Variants in PCDHGA3 observed in about 807,000 individuals in gnomAD.
The protein encoded by PCDHGA3 is protocadherin gamma subfamily A, 3, also known as protocadherin gamma-A3.
A neutral mutation model predicts 58.5 loss-of-function variants in PCDHGA3; 40 were observed. The observed-to-expected ratio is 0.68, with a 90% CI of 0.53 to 0.89. PCDHGA3 has a LOEUF of 0.89. Among genes scored for constraint, PCDHGA3 ranks in the 40% least tolerant of loss-of-function variants. The probability of loss-of-function intolerance (pLI) is 0.00; values close to 1 mark genes in which losing one functional copy is unlikely to be tolerated. For missense variants in PCDHGA3, 1,223 were observed against 1,195.9 expected (o/e 1.02, Z -0.33); for synonymous variants, 530 against 525.7 (o/e 1.01, Z -0.11).
At chr5:141,404,560 C>G in intron 1 of PCDHGA3, 1 of 1,613,578 alleles carries the variant, frequency 6.2e-7, no homozygotes, top group South Asian at 1.1e-5. Context: ...CGGCAAGTGA[C>G]AGTGGAAGCC....
Position 141,345,503 on chromosome 5 carries a change from A to G in PCDHGA3, c.1470A>G (p.Ala490=), listed in dbSNP as rs768035352. ...DSNNNARITY[A]LTEDTLQGAP... ...ACAACAACGCCCGCATCACTTATGC[A>G]TTGACCGAGGACACTCTCCAGGGGG... The change falls in exon 1 of 4, where the codon GCA becomes GCG. Residue 490 remains alanine (A), a synonymous_variant. Coordinates refer to ENST00000253812, the MANE Select transcript of PCDHGA3 (RefSeq NM_018916.4). 2 of 1,614,120 alleles carry G rather than the reference A, an allele frequency of 1.2e-6. No homozygotes were observed. The highest frequency in any genetic ancestry group is 2.2e-5 in the East Asian group (1 of 44,874).
intron 1 of PCDHGA3, chr5:141,366,110 G>A (rs780243212): frequency 1.9e-6 from 3 of 1,614,230 alleles, no homozygotes; most frequent in South Asian, 1.1e-5. Flanking sequence ...GGTGGTAGCG[G>A]TGGACAAAGA....
At chr5:141,374,571 G>A in intron 1 of PCDHGA3, 1 of 1,613,670 alleles carries the variant, frequency 6.2e-7, no homozygotes, top group Non-Finnish European at 8.5e-7. Flanking sequence ...CCTGATGTGG[G>A]AATGAACTCC....
chr5:141,350,116 G>A (rs1300662823), intron 1 of PCDHGA3: 5 of 573,926 alleles, frequency 8.7e-6, no homozygotes, highest in Non-Finnish European at 1.4e-5. Context: ...TGCTTTGTCC[G>A]GTGCACTGAG....
At chr5:141,371,509 A>G (rs768507307) in intron 1 of PCDHGA3, 3 of 1,613,878 alleles carry the variant, frequency 1.9e-6, no homozygotes, top group South Asian at 2.2e-5. Context: ...ATCAAAACAC[A>G]TGATCTAGAT....
intron 1 of PCDHGA3, among the ~76,000 whole-genome samples, chr5:141,435,150 C>G (rs1256233613): frequency 6.6e-6 from 1 of 152,006 alleles, no homozygotes; most frequent in Non-Finnish European, 1.5e-5. Context: ...TTGTGATAAA[C>G]TTTTGTAAAT....
At chr5:141,355,329 A>G in intron 1 of PCDHGA3, 1 of 1,614,020 alleles carries the variant, frequency 6.2e-7, no homozygotes, top group Non-Finnish European at 8.5e-7. Flanking sequence ...AAGAAGGCTC[A>G]GTGGTGGGCA....
intron 1 of PCDHGA3, chr5:141,388,667 G>A (rs1561620639): frequency 1.2e-6 from 2 of 1,613,918 alleles, no homozygotes; most frequent in Non-Finnish European, 8.5e-7. Flanking sequence ...GGACCACGGT[G>A]CTACAGGTGA....
rs2096301395 is a variant in PCDHGA3, at chr5:141,418,913, C to A, written c.2424+72456C>A. On this transcript the variant is annotated intron_variant, in intron 1 of 3. Coordinates refer to ENST00000253812, the MANE Select transcript of PCDHGA3 (RefSeq NM_018916.4). ...CAGCCCAGAAATAATCATCACGTCA[C>A]TCTCTGATCAGATTATGGAGGATTC... The A allele has an allele frequency of 2.5e-6, 4 of 1,613,946 alleles. No homozygotes were observed. The highest frequency in any genetic ancestry group is 3.4e-6 in the Non-Finnish European group (4 of 1,179,822).
chr5:141,370,490 G>A (rs780342479), intron 1 of PCDHGA3: 48 of 1,613,776 alleles, frequency 3.0e-5, no homozygotes, highest in Non-Finnish European at 4.0e-5. Context: ...TCTCCGAACC[G>A]ATCCGCTACG....
At chr5:141,365,996 AACG>A (rs1588620860) in intron 1 of PCDHGA3, 4 of 1,614,192 alleles carry the variant, frequency 2.5e-6, no homozygotes, top group Non-Finnish European at 3.4e-6. Context: ...GCTGGACCAG[AACG>A]ACAATACGCC....
chr5:141,403,713 A>C (rs2094445702), intron 1 of PCDHGA3: 3 of 1,613,946 alleles, frequency 1.9e-6, no homozygotes, highest in Non-Finnish European at 2.5e-6. Flanking sequence ...GTCCTTGAGA[A>C]CGTGCCCCCA....
intron 1 of PCDHGA3, chr5:141,389,566 T>G: frequency 6.2e-7 from 1 of 1,613,278 alleles, no homozygotes; most frequent in Non-Finnish European, 8.5e-7. Context: ...CCACGGGTGC[T>G]GTACCCCGCG....
In PCDHGA3 at chr5:141,448,771, T is replaced by C. The variant is rs564309379; in HGVS notation, c.2425-46036T>C. Among the ~76,000 whole-genome samples the C allele has an allele frequency of 6.6e-4, 100 of 151,738 alleles. 1 individual carries two copies. The highest frequency in any genetic ancestry group is 6.8e-3 in the Middle Eastern group (2 of 294). On this transcript the variant is annotated intron_variant, in intron 1 of 3. Coordinates refer to ENST00000253812, the MANE Select transcript of PCDHGA3 (RefSeq NM_018916.4). ...CTGGCTAACACGGTGAAACCCCGTCTGTACTAAAAATACAAAAAAAAAAAT... is the reference window on the plus strand; with the variant it reads ...CTGGCTAACACGGTGAAACCCCGTCCGTACTAAAAATACAAAAAAAAAAAT...
At chr5:141,375,018 C>T (rs754559115) in intron 1 of PCDHGA3, 7 of 1,613,982 alleles carry the variant, frequency 4.3e-6, no homozygotes, top group Non-Finnish European at 4.2e-6. Flanking sequence ...TATGAGGACT[C>T]GAGTTTTTAT....
chr5:141,357,132 G>A, intron 1 of PCDHGA3: 1 of 1,613,550 alleles, frequency 6.2e-7, no homozygotes. Flanking sequence ...GGCTTGTAGT[G>A]GTCGTCCAGG....
intron 1 of PCDHGA3, among the ~76,000 whole-genome samples, chr5:141,353,602 C>T (rs1371999385): frequency 6.6e-6 from 1 of 152,302 alleles, no homozygotes; most frequent in East Asian, 1.9e-4. Context: ...ATTTTCTTAA[C>T]CATTCCTAAA....
chr5:141,394,269 C>T (rs367765478), intron 1 of PCDHGA3: 2 of 1,613,948 alleles, frequency 1.2e-6, no homozygotes, highest in Admixed American at 3.3e-5. Context: ...GGAGAATGCC[C>T]AGGTCACTTA....
intron 1 of PCDHGA3, among the ~76,000 whole-genome samples, chr5:141,470,430 T>C (rs994304635): frequency 6.6e-6 from 1 of 152,232 alleles, no homozygotes; most frequent in Non-Finnish European, 1.5e-5. Flanking sequence ...TTTCCTTGTG[T>C]GCAATAATTT....
Sources: allele counts gnomAD v4.1 joint callset (sites outside exome capture counted in the v4.1 genomes callset), GRCh38; gene constraint gnomAD v4.1.1; transcripts MANE v1.5; gene names NCBI Gene and HGNC (gene_info 2026-07-23, HGNC 2026-07-21).